The following DLC1 variants were observed in gnomAD, a reference collection of about 807,000 sequenced individuals.
DLC1 encodes the protein rho GTPase-activating protein 7.
Under a neutral mutation model 140.3 loss-of-function variants are expected in DLC1, and 54 were observed. That is an observed-to-expected ratio of 0.38 (90% CI 0.31 to 0.48). The LOEUF is 0.48. Ranked by LOEUF, DLC1 falls within the 20% of genes least tolerant of loss-of-function variation. The probability of loss-of-function intolerance (pLI) is 0.96; values close to 1 mark genes in which losing one functional copy is unlikely to be tolerated. For synonymous variants in DLC1, 986 were observed against 728.1 expected (o/e 1.35, Z -5.70); for missense variants, 2,536 against 1,907.0 (o/e 1.33, Z -6.14).
chr8:13,522,034 T>C (rs551216572), intron 1 of DLC1, among the ~76,000 whole-genome samples: 1 of 152,244 alleles, frequency 6.6e-6, no homozygotes, highest in East Asian at 2.0e-4. Context: ...GGTACATTTG[T>C]ACTTTAACAG....
At chr8:13,534,310 TTAATAA>T (rs1004535639) in intron 1 of DLC1, among the ~76,000 whole-genome samples, 2 of 152,158 alleles carry the variant, frequency 1.3e-5, no homozygotes, top group Admixed American at 6.6e-5. Context: ...TTTTACTTCA[TTAATAA>T]TAAGAACTGT....
chr8:13,166,114 C>T (rs1240770186), intron 5 of DLC1, among the ~76,000 whole-genome samples: 3 of 152,130 alleles, frequency 2.0e-5, no homozygotes, highest in Non-Finnish European at 4.4e-5. Context: ...GACAGGATGC[C>T]ATCCCCGTTC....
At chr8:13,582,120 G>A (rs75010280) in intron 1 of DLC1, among the ~76,000 whole-genome samples, 1 of 152,018 alleles carries the variant, frequency 6.6e-6, no homozygotes, top group African/African-American at 2.4e-5. Flanking sequence ...TTTTTCTATA[G>A]CCTCTGGAGG....
chr8:13,519,516 C>G (rs1238225602), upstream of DLC1, among the ~76,000 whole-genome samples: 1 of 152,186 alleles, frequency 6.6e-6, no homozygotes, highest in Non-Finnish European at 1.5e-5. Flanking sequence ...CAATAAGCAT[C>G]ATGCGCATGA....
intron 4 of DLC1, among the ~76,000 whole-genome samples, chr8:13,336,498 T>G (rs6983961): frequency 0.48 from 72,987 of 152,096 alleles, 18,058 homozygotes; most frequent in Admixed American, 0.63. Context: ...GTTAGGTTTG[T>G]AGCTACTGAG....
At position 13,454,127 on chromosome 8, in the gene DLC1, A is replaced by G. The variant is rs1191000098; in HGVS notation, c.1023+44922T>C. Among the ~76,000 whole-genome samples the G allele has an allele frequency of 2.6e-5, 4 of 152,202 alleles. No homozygotes were observed. In the East Asian group the frequency reaches 7.7e-4, roughly 29 times the overall value. ...AAAGGCCAGAATTATTTTTTGGACT[A>G]CGTGCAATTTGGCTTGTTCATGTAG... On this transcript the variant is annotated intron_variant, in intron 2 of 17. Coordinates refer to ENST00000276297, the MANE Select transcript of DLC1 (RefSeq NM_182643.3).
At chr8:13,538,677 G>T (rs575161928) in intron 1 of DLC1, among the ~76,000 whole-genome samples, 1 of 152,212 alleles carries the variant, frequency 6.6e-6, no homozygotes, top group African/African-American at 2.4e-5. Flanking sequence ...TGAATATTCC[G>T]GTTTTACAGA....
intron 4 of DLC1, among the ~76,000 whole-genome samples, chr8:13,347,439 C>G (rs1037866730): frequency 7.2e-5 from 11 of 152,172 alleles, no homozygotes; most frequent in Non-Finnish European, 5.9e-5. Context: ...GGGCTGGACA[C>G]TCCTTGAGTA....
intron 4 of DLC1, among the ~76,000 whole-genome samples, chr8:13,384,007 T>A (rs898202455): frequency 6.6e-6 from 1 of 152,222 alleles, no homozygotes; most frequent in Non-Finnish European, 1.5e-5. Context: ...AAAACAGTAC[T>A]AATCATCAAT....
intron 1 of DLC1, among the ~76,000 whole-genome samples, chr8:13,522,942 G>A (rs1294268412): frequency 6.6e-6 from 1 of 152,074 alleles, no homozygotes; most frequent in African/African-American, 2.4e-5. Context: ...GCGTGTGCCT[G>A]GCAGTTTCCA....
chr8:13,286,274 G>T lies in DLC1; in HGVS notation c.1348+18995C>A, dbSNP rs1003984147. The stretch of plus-strand genomic sequence containing the variant: ...CTTCACAGGGAGGTGGAGAGGAGGT[G>T]GTTTTTCTACCACCAGAGAAAAAAA... On this transcript the variant is annotated intron_variant, in intron 5 of 17. Transcript: ENST00000276297. 4.1e-4 allele frequency among the ~76,000 whole-genome samples: 63 copies of T among 151,962 alleles called. 1 individual carries two copies. Among genetic ancestry groups the T allele is most frequent in the African/African-American group, 1.5e-3 (61 of 41,350 alleles).
intron 4 of DLC1, among the ~76,000 whole-genome samples, chr8:13,309,040 T>G (rs78553385): frequency 0.054 from 8,189 of 152,254 alleles, 275 homozygotes; most frequent in South Asian, 0.12. Flanking sequence ...AATATACAAT[T>G]TAAATAACAT....
chr8:13,539,653 T>A (rs374308633), intron 1 of DLC1, among the ~76,000 whole-genome samples: 2 of 152,132 alleles, frequency 1.3e-5, no homozygotes, highest in East Asian at 3.9e-4. Flanking sequence ...CCAGGGAAAG[T>A]GTTTCTGGTT....
chr8:13,268,872 CTTT>C (rs57984324), intron 5 of DLC1, among the ~76,000 whole-genome samples: 3 of 126,448 alleles, frequency 2.4e-5, no homozygotes, highest in Non-Finnish European at 5.0e-5. Flanking sequence ...TGCTTCCTTC[CTTT>C]TTTTTTTTTT....
At chr8:13,116,967 A>C (rs1291315102) in intron 5 of DLC1, among the ~76,000 whole-genome samples, 1 of 152,238 alleles carries the variant, frequency 6.6e-6, no homozygotes, top group African/African-American at 2.4e-5. Flanking sequence ...TAGTGACATC[A>C]GTGTGGAAGA....
chr8:13,170,662 G>A (rs1420120798), intron 5 of DLC1, among the ~76,000 whole-genome samples: 5 of 150,826 alleles, frequency 3.3e-5, no homozygotes, highest in East Asian at 2.0e-4. Context: ...CCCGGGAGGC[G>A]GAGCTTGCAG....
At chr8:13,326,049 T>A (rs1339890310) in intron 4 of DLC1, among the ~76,000 whole-genome samples, 1 of 152,036 alleles carries the variant, frequency 6.6e-6, no homozygotes, top group African/African-American at 2.4e-5. Flanking sequence ...AAAAAATAAA[T>A]AAATAAATAC....
chr8:13,229,271 T>C lies in DLC1; in HGVS notation c.1348+75998A>G, dbSNP rs183559243. ...TTTGGCAGTACAAAGAAATACAATA[T>C]TGATCCACGCTACAACATTACGAAC... On this transcript the variant is annotated intron_variant, in intron 5 of 17. Coordinates refer to ENST00000276297, the MANE Select transcript of DLC1 (RefSeq NM_182643.3). 2.7e-3 allele frequency among the ~76,000 whole-genome samples: 409 copies of C among 152,262 alleles called. 8 individuals are homozygous for C. Among genetic ancestry groups the C allele is most frequent in the Admixed American group, 0.017 (262 of 15,292 alleles).
At chr8:13,365,773 A>G (rs1835451687) in intron 4 of DLC1, among the ~76,000 whole-genome samples, 1 of 152,142 alleles carries the variant, frequency 6.6e-6, no homozygotes, top group African/African-American at 2.4e-5. Flanking sequence ...TGTTATTTAA[A>G]AAAATTAAAA....
Sources: allele counts gnomAD v4.1 joint callset (sites outside exome capture counted in the v4.1 genomes callset), GRCh38; gene constraint gnomAD v4.1.1; transcripts MANE v1.5; gene names NCBI Gene and HGNC (gene_info 2026-07-23, HGNC 2026-07-21).